The following BEND5 variants were observed in gnomAD, a reference collection of about 807,000 sequenced individuals.
BEND5 encodes the protein BEN domain-containing protein 5.
In BEND5, 22 loss-of-function variants were observed where a neutral mutation model predicts 43.9. The observed-to-expected ratio is 0.50, with a 90% confidence interval of 0.36 to 0.72. The LOEUF (loss-of-function observed/expected upper bound fraction) is 0.72, where lower values mean the gene tolerates loss of function less well. Among genes scored for constraint, BEND5 ranks in the 30% least tolerant of loss-of-function variants. The pLI is 0.00. For synonymous variants in BEND5, 228 were observed against 225.9 expected, an observed-to-expected ratio of 1.01 and a Z score of -0.08; for missense variants, 428 against 550.6, an observed-to-expected ratio of 0.78 and a Z score of 2.23.
intron 1 of BEND5, 84 bp from the exon 2 acceptor site, chr1:48,761,554 TAGAAAATA>T: frequency 7.3e-7 from 1 of 1,377,298 alleles, no homozygotes; most frequent in Non-Finnish European, 9.8e-7. Flanking sequence ...CCTCAAATGC[TAGAAAATA>T]ATTGAGGCCA....
intron 1 of BEND5, among the ~76,000 whole-genome samples, chr1:48,775,198 C>T (rs1015912725): frequency 3.9e-5 from 6 of 152,184 alleles, no homozygotes; most frequent in Non-Finnish European, 8.8e-5. Context: ...GCCTACACTT[C>T]GGTGTGCCAG....
At position 48,768,286 on chromosome 1, in the gene BEND5, T is replaced by C. The variant is rs374209096; in HGVS notation, c.227-6816A>G. 4.6e-5 allele frequency among the ~76,000 whole-genome samples: 7 copies of C among 152,282 alleles called. No individual in the cohort carries two copies. The East Asian group carries it at 5.8e-4, about 13-fold the overall frequency. ...AATTCCCAAGTTGAAGTAAACACTA[T>C]ATAAATATGACCTGTTGCCAAACTC... On this transcript the variant is annotated intron_variant, in intron 1 of 5. Coordinates refer to ENST00000371833, the MANE Select transcript of BEND5 (RefSeq NM_024603.4).
chr1:48,775,847 G>A lies in BEND5; in HGVS notation c.226+759C>T, dbSNP rs554438901. On this transcript the variant is annotated intron_variant, in intron 1 of 5. Coordinates refer to ENST00000371833, the MANE Select transcript of BEND5 (RefSeq NM_024603.4). ...GCAGGGCAGGGATGAGAGGTCCAGT[G>A]TTATTCTGACCCAGAAACTCTCTCC... Among the ~76,000 whole-genome samples the A allele has an allele frequency of 6.6e-5, 10 of 152,352 alleles. No individual in the cohort carries two copies. In the South Asian group the frequency reaches 2.1e-3, roughly 32 times the overall value.
chr1:48,762,614 TTGTGTGTG>T (rs58396843), intron 1 of BEND5, among the ~76,000 whole-genome samples: 93 of 75,182 alleles, frequency 1.2e-3, no homozygotes, highest in East Asian at 3.8e-3. Context: ...TTTAAGGGTT[TTGTGTGTG>T]TGTGTGTGTG....
chr1:48,770,970 C>T (rs560156427), intron 1 of BEND5, among the ~76,000 whole-genome samples: 162 of 152,294 alleles, frequency 1.1e-3, no homozygotes, highest in African/African-American at 3.8e-3. Context: ...ACAGTGTTCA[C>T]TAAACAACTG....
chr1:48,742,567 CT>C, intron 4 of BEND5, 55 bp downstream of exon 4: 2 of 1,436,934 alleles, frequency 1.4e-6, no homozygotes, highest in Non-Finnish European at 1.8e-6. Context: ...TACTCTCCAC[CT>C]TTACTCTGAC....
rs530413689 is a variant in BEND5 at position 48,752,768 on chromosome 1, T to A, written c.745+6132A>T. 7.9e-5 allele frequency among the ~76,000 whole-genome samples: 12 copies of A among 152,284 alleles called. No individual in the cohort carries two copies. In the East Asian group the frequency reaches 2.3e-3, roughly 29 times the overall value. On this transcript the variant is annotated intron_variant, in intron 3 of 5. Transcript: ENST00000371833. ...ATTTATTCATTTACTCCTTTTTTTT[T>A]TGGACAGAGTCTCGCTCTGTCGCCA...
rs552758163 is a variant in BEND5, at chr1:48,741,824, A to C, written c.894+799T>G. Among the ~76,000 whole-genome samples the C allele has an allele frequency of 5.3e-5, 8 of 152,364 alleles. No individual in the cohort carries two copies. The East Asian group carries it at 1.5e-3, about 29-fold the overall frequency. Reference sequence around the variant, plus strand: ...TGTCTGTAATGCATGCCACAGTGGCAGAGAACATAACGCTAAAGCTGAATT... The same window carrying C: ...TGTCTGTAATGCATGCCACAGTGGCCGAGAACATAACGCTAAAGCTGAATT... On this transcript the variant is annotated intron_variant, in intron 4 of 5. Coordinates refer to ENST00000371833, the MANE Select transcript of BEND5 (RefSeq NM_024603.4).
At chr1:48,742,525 C>G (rs1650073893) in intron 4 of BEND5, 98 bp downstream of exon 4, 98 of 1,256,152 alleles carry the variant, frequency 7.8e-5, no homozygotes, top group Non-Finnish European at 9.9e-5. Flanking sequence ...GGAGGCCAAC[C>G]AGTCAAGCTG....
At chr1:48,769,519 G>C (rs1644698455) in intron 1 of BEND5, among the ~76,000 whole-genome samples, 2 of 106,596 alleles carry the variant, frequency 1.9e-5, no homozygotes, top group African/African-American at 7.2e-5. Context: ...GTCCCAGGAG[G>C]ATTTAAAACA....
intron 3 of BEND5, among the ~76,000 whole-genome samples, chr1:48,757,203 A>G (rs1643980078): frequency 6.6e-6 from 1 of 152,204 alleles, no homozygotes; most frequent in Admixed American, 6.5e-5. Context: ...AGTTCATAAA[A>G]GGCATAGCAT....
intron 1 of BEND5, among the ~76,000 whole-genome samples, chr1:48,774,196 C>G (rs1357337101): frequency 6.6e-6 from 1 of 152,220 alleles, no homozygotes; most frequent in African/African-American, 2.4e-5. Flanking sequence ...AAAGCCACCT[C>G]TGCTTCCCAC....
intron 3 of BEND5, among the ~76,000 whole-genome samples, chr1:48,749,273 C>A (rs1046579758): frequency 6.6e-6 from 1 of 152,094 alleles, no homozygotes; most frequent in Non-Finnish European, 1.5e-5. Flanking sequence ...CCCACTGTCA[C>A]GTGATTGTTT....
intron 3 of BEND5, among the ~76,000 whole-genome samples, chr1:48,747,320 T>C (rs977237104): frequency 3.9e-5 from 6 of 152,216 alleles, no homozygotes; most frequent in Non-Finnish European, 5.9e-5. Context: ...GGGGAAAATA[T>C]ACCTTCCATG....
intron 5 of BEND5, among the ~76,000 whole-genome samples, chr1:48,728,760 G>A (rs977285932): frequency 5.9e-5 from 9 of 152,334 alleles, no homozygotes; most frequent in Non-Finnish European, 8.8e-5. Context: ...ATTAGGTGAT[G>A]CCTGGTAAAT....
intron 1 of BEND5, among the ~76,000 whole-genome samples, chr1:48,771,774 T>A (rs1401468418): frequency 6.6e-6 from 1 of 152,216 alleles, no homozygotes; most frequent in Non-Finnish European, 1.5e-5. Flanking sequence ...GAGCAAATGA[T>A]CTATTTGGAC....
chr1:48,776,715 G>A lies in BEND5; in HGVS notation c.117C>T (p.Ala39=), dbSNP rs1297732695. ...RLDFDNQKVY[A]VYRGPEELGA... is the part of the protein sequence containing the mutation. The stretch of plus-strand genomic sequence containing the variant: ...CCAATTCCTCCGGGCCCCGGTACAC[G>A]GCGTACACCTTCTGGTTGTCAAAAT... The change falls in exon 1 of 6, where the codon GCC becomes GCT. Residue 39 remains alanine (A), a synonymous_variant. Transcript: ENST00000371833. The A allele has an allele frequency of 6.6e-7, 1 of 1,524,872 alleles. No individual in the cohort carries two copies. Among genetic ancestry groups the A allele is most frequent in the Non-Finnish European group, 8.8e-7 (1 of 1,136,784 alleles). 94.5% of individuals were successfully genotyped at this position (1,524,872 alleles called of 1,614,324 possible).
intron 5 of BEND5, among the ~76,000 whole-genome samples, chr1:48,732,028 T>G (rs962987111): frequency 6.6e-6 from 1 of 152,004 alleles, no homozygotes; most frequent in African/African-American, 2.4e-5. Context: ...CTCTCCATAT[T>G]TGGAAAAAGT....
chr1:48,761,912 T>G (rs770211111), intron 1 of BEND5, among the ~76,000 whole-genome samples: 3 of 152,144 alleles, frequency 2.0e-5, no homozygotes, highest in Non-Finnish European at 2.9e-5. Context: ...CAAGTGCCAA[T>G]AGACATGAGA....
Sources: allele counts gnomAD v4.1 joint callset (sites outside exome capture counted in the v4.1 genomes callset), GRCh38; gene constraint gnomAD v4.1.1; transcripts MANE v1.5; gene names NCBI Gene and HGNC (gene_info 2026-07-23, HGNC 2026-07-21).